The following CAPZA1 variants were observed in gnomAD, a reference collection of about 807,000 sequenced individuals.
CAPZA1 encodes capping actin protein of muscle Z-line subunit alpha 1.
Under a neutral mutation model 40.8 loss-of-function variants are expected in CAPZA1, and 10 were observed. That is an observed-to-expected ratio of 0.25 (90% confidence interval 0.15 to 0.42). The LOEUF (loss-of-function observed/expected upper bound fraction) is 0.42, where lower values mean the gene tolerates loss of function less well. Among genes scored for constraint, CAPZA1 ranks in the 10% least tolerant of loss-of-function variants. The pLI is 1.00. For synonymous variants in CAPZA1, 98 were observed against 115.0 expected (o/e 0.85, Z 0.95); for missense variants, 277 against 353.8 (o/e 0.78, Z 1.74).
At chr1:112,631,176 CTCTTTG>C (rs1166191481) in intron 1 of CAPZA1, among the ~76,000 whole-genome samples, 4 of 152,360 alleles carry the variant, frequency 2.6e-5, no homozygotes, top group East Asian at 3.9e-4. Flanking sequence ...GACAATCCTA[CTCTTTG>C]TCTTTATCTT....
chr1:112,643,365 G>GA (rs1199580918), intron 1 of CAPZA1, among the ~76,000 whole-genome samples: 1 of 152,110 alleles, frequency 6.6e-6, no homozygotes, highest in Non-Finnish European at 1.5e-5. Context: ...TTTCATCCCA[G>GA]AAAAAATAAT....
intron 5 of CAPZA1, among the ~76,000 whole-genome samples, chr1:112,658,209 G>A (rs1671536512): frequency 6.6e-6 from 1 of 151,938 alleles, no homozygotes; most frequent in African/African-American, 2.4e-5. Flanking sequence ...CTTGGTGATT[G>A]CATTTCCATT....
At chr1:112,657,331 C>T (rs1393902310) in intron 5 of CAPZA1, among the ~76,000 whole-genome samples, 1 of 152,110 alleles carries the variant, frequency 6.6e-6, no homozygotes, top group Admixed American at 6.6e-5. Context: ...TTTCCCTTCT[C>T]TCATCTCTCT....
intron 1 of CAPZA1, among the ~76,000 whole-genome samples, chr1:112,639,275 C>A (rs1409738614): frequency 6.6e-6 from 1 of 152,108 alleles, no homozygotes; most frequent in African/African-American, 2.4e-5. Flanking sequence ...CAAATCTCCT[C>A]GCTTTCATTT....
intron 1 of CAPZA1, among the ~76,000 whole-genome samples, chr1:112,640,489 G>A (rs1350645900): frequency 1.5e-5 from 2 of 131,130 alleles, no homozygotes; most frequent in South Asian, 4.7e-4. Context: ...GGAGGGAGGT[G>A]GGGGGGTCAG....
chr1:112,665,629 A>T (rs968743941), intron 7 of CAPZA1, among the ~76,000 whole-genome samples: 2 of 152,134 alleles, frequency 1.3e-5, no homozygotes, highest in African/African-American at 4.8e-5. Flanking sequence ...TGTTTCTCAT[A>T]GGTGACACCT....
In CAPZA1 at chr1:112,619,832, A is replaced by C. The variant is rs371309950; in HGVS notation, c.-13A>C. The C allele has an allele frequency of 9.9e-5, 159 of 1,611,722 alleles. No individual in the cohort carries two copies. Among genetic ancestry groups the C allele is most frequent in the Non-Finnish European group, 1.3e-4 (155 of 1,178,784 alleles). On this transcript the variant is annotated 5_prime_UTR_variant, in exon 1 of 10. Coordinates refer to ENST00000263168, the MANE Select transcript of CAPZA1 (RefSeq NM_006135.3). The stretch of plus-strand genomic sequence containing the variant: ...CTCGCGCCCGTAGCCGGGCTGGGCC[A>C]GAACAGCCCAAGATGGCCGACTTCG...
chr1:112,627,023 A>C (rs780888375), intron 1 of CAPZA1, among the ~76,000 whole-genome samples: 6 of 152,240 alleles, frequency 3.9e-5, no homozygotes, highest in Non-Finnish European at 8.8e-5. Context: ...TGTATTAACC[A>C]TGTATTTATC....
chr1:112,632,791 A>T (rs1297644608), intron 1 of CAPZA1, among the ~76,000 whole-genome samples: 1 of 152,244 alleles, frequency 6.6e-6, no homozygotes, highest in East Asian at 1.9e-4. Flanking sequence ...CTACCTACTT[A>T]TGTCTAATAA....
intron 9 of CAPZA1, 44 bp downstream of exon 9, chr1:112,669,649 T>C: frequency 7.5e-7 from 1 of 1,334,078 alleles, no homozygotes; most frequent in Non-Finnish European, 1.1e-6. Context: ...ACTATCTTAT[T>C]ATTTCGCTGT....
intron 1 of CAPZA1, among the ~76,000 whole-genome samples, chr1:112,625,580 C>T (rs1020852660): frequency 1.3e-5 from 2 of 152,186 alleles, no homozygotes; most frequent in Admixed American, 1.3e-4. Context: ...CGAGTGAGCA[C>T]TGGGAGAAGT....
At chr1:112,669,499 A>C (rs771980038) in intron 8 of CAPZA1, 44 bp from the exon 9 acceptor site, 2 of 1,372,124 alleles carry the variant, frequency 1.5e-6, no homozygotes, top group South Asian at 1.2e-5. Context: ...CTGCTTACAC[A>C]TTAAAAAAAA....
chr1:112,643,713 A>G (rs1671224898), intron 1 of CAPZA1, among the ~76,000 whole-genome samples: 1 of 152,206 alleles, frequency 6.6e-6, no homozygotes, highest in South Asian at 2.1e-4. Flanking sequence ...TTGCTCCATC[A>G]ATCACTAGGC....
chr1:112,658,018 A>C (rs1671532444), intron 5 of CAPZA1, among the ~76,000 whole-genome samples: 1 of 152,240 alleles, frequency 6.6e-6, no homozygotes, highest in South Asian at 2.1e-4. Context: ...TCACAAAAAC[A>C]GTGGGTTTGG....
intron 2 of CAPZA1, among the ~76,000 whole-genome samples, chr1:112,648,064 G>T (rs376841686): frequency 6.6e-6 from 1 of 152,218 alleles, no homozygotes; most frequent in East Asian, 1.9e-4. Flanking sequence ...TTAGCTACTC[G>T]AGAGGAACTG....
chr1:112,667,999 G>A (rs1264995590), intron 8 of CAPZA1, among the ~76,000 whole-genome samples: 2 of 152,090 alleles, frequency 1.3e-5, no homozygotes, highest in African/African-American at 2.4e-5. Context: ...AAGCTGAGAA[G>A]TGTGGGCCGG....
chr1:112,665,042 TGAG>T (rs1671696772), intron 7 of CAPZA1, among the ~76,000 whole-genome samples: 1 of 152,204 alleles, frequency 6.6e-6, no homozygotes, highest in Non-Finnish European at 1.5e-5. Flanking sequence ...CTAAGATTAC[TGAG>T]TAAGTGAGAT....
chr1:112,644,564 A>G (rs1040733856), intron 1 of CAPZA1, among the ~76,000 whole-genome samples: 1 of 152,144 alleles, frequency 6.6e-6, no homozygotes, highest in Non-Finnish European at 1.5e-5. Flanking sequence ...GGGGTCATCA[A>G]TAAACTTAAA....
At chr1:112,640,758 T>C (rs1671140482) in intron 1 of CAPZA1, among the ~76,000 whole-genome samples, 1 of 152,192 alleles carries the variant, frequency 6.6e-6, no homozygotes, top group Admixed American at 6.5e-5. Flanking sequence ...AGGATGACAA[T>C]GGCGGCTTTG....
Sources: allele counts gnomAD v4.1 joint callset (sites outside exome capture counted in the v4.1 genomes callset), GRCh38; gene constraint gnomAD v4.1.1; transcripts MANE v1.5; gene names NCBI Gene and HGNC (gene_info 2026-07-23, HGNC 2026-07-21).